Variants in CHRNB3 observed in about 807,000 individuals in gnomAD.
CHRNB3 encodes the protein neuronal acetylcholine receptor subunit beta-3.
CHRNB3 carries 37 observed loss-of-function variants against 40.6 expected under a neutral mutation model. The observed-to-expected ratio is 0.91, with a 90% confidence interval of 0.70 to 1.20. The LOEUF is 1.20. Among genes scored for constraint, CHRNB3 ranks in the 50% most tolerant of loss-of-function variants. The pLI, the probability that CHRNB3 is intolerant of heterozygous loss-of-function variation, is 0.00. For missense variants in CHRNB3, 505 were observed against 551.2 expected (o/e 0.92, Z 0.84); for synonymous variants, 207 against 207.1 (o/e 1.00, Z 0.00).
intron 1 of CHRNB3, among the ~76,000 whole-genome samples, chr8:42,699,005 A>G (rs1031050378): frequency 6.6e-6 from 1 of 152,228 alleles, no homozygotes; most frequent in Non-Finnish European, 1.5e-5. Context: ...TCTTTCACAG[A>G]TCTATAATAA....
At chr8:42,728,332 C>A (rs1244823737) in intron 3 of CHRNB3, among the ~76,000 whole-genome samples, 3 of 151,992 alleles carry the variant, frequency 2.0e-5, no homozygotes, top group African/African-American at 7.3e-5. Context: ...CAAGACCAGT[C>A]TGGGCAACAT....
At chr8:42,724,759 A>G (rs1816276777) in intron 3 of CHRNB3, among the ~76,000 whole-genome samples, 1 of 152,098 alleles carries the variant, frequency 6.6e-6, no homozygotes, top group Non-Finnish European at 1.5e-5. Flanking sequence ...CGGGCGGATC[A>G]CCTGAGGTCA....
At chr8:42,702,132 G>A (rs572827323) in intron 1 of CHRNB3, among the ~76,000 whole-genome samples, 1 of 152,258 alleles carries the variant, frequency 6.6e-6, no homozygotes, top group Admixed American at 6.5e-5. Flanking sequence ...CCCAGCCTGA[G>A]CTCAGTGCAC....
At chr8:42,717,292 T>C (rs1816126944) in intron 3 of CHRNB3, among the ~76,000 whole-genome samples, 1 of 125,272 alleles carries the variant, frequency 8.0e-6, no homozygotes, top group Non-Finnish European at 1.6e-5. Context: ...GAGAATGGCG[T>C]GAACCCGGGA....
intron 4 of CHRNB3, 54 bp from the exon 5 acceptor site, chr8:42,731,613 C>T (rs994642723): frequency 6.6e-7 from 1 of 1,514,990 alleles, no homozygotes; most frequent in South Asian, 1.3e-5. Flanking sequence ...GGAAAAAGAA[C>T]AAAAACTAGC....
Position 42,731,693 on chromosome 8 carries a change from T to C in CHRNB3, c.386T>C (p.Leu129Pro), listed in dbSNP as rs538615632. The C allele has an allele frequency of 5.6e-6, 9 of 1,612,106 alleles. No homozygotes were observed. Among genetic ancestry groups the C allele is most frequent in the African/African-American group, 1.3e-5 (1 of 74,824 alleles). Residue 129 changes from leucine to proline, a missense_variant, in exon 5 of 6, where the codon CTG (leucine) becomes CCG (proline). Physicochemically the swap from Leu to Pro is moderately conservative, Grantham distance 98 (BLOSUM62 -3). Transcript: ENST00000289957. Reference protein sequence around the residue: ...ENADGRFEGSLMTKVIVKSNG... With the variant: ...ENADGRFEGSPMTKVIVKSNG... ...GCTGACGGCCGCTTCGAAGGCTCCC[T>C]GATGACCAAGGTCATCGTGAAATCA...
intron 3 of CHRNB3, among the ~76,000 whole-genome samples, chr8:42,720,572 T>G (rs992440748): frequency 3.3e-5 from 5 of 152,150 alleles, no homozygotes; most frequent in Admixed American, 3.3e-4. Flanking sequence ...GTTTATCATC[T>G]GAGTCAGCCC....
In CHRNB3 at chr8:42,731,722, G is replaced by A. The variant is rs1171439455; in HGVS notation, c.415G>A (p.Gly139Arg). The change falls in exon 5 of 6, where the codon GGA (glycine) becomes AGA (arginine). Residue 139 changes from glycine (G) to arginine (R), a missense_variant. Gly to Arg is a moderately radical substitution (Grantham distance 125). Coordinates refer to ENST00000289957, the MANE Select transcript of CHRNB3 (RefSeq NM_000749.5). ...LMTKVIVKSN[G>R]TVVWTPPASY... ...GACCAAGGTCATCGTGAAATCAAAC[G>A]GAACTGTTGTCTGGACCCCTCCCGC... 6 of 1,613,720 alleles carry A rather than the reference G, an allele frequency of 3.7e-6. No individual in the cohort carries two copies. The highest frequency in any genetic ancestry group is 1.3e-5 in the African/African-American group (1 of 74,826).
At chr8:42,706,951 G>T (rs747783784) in intron 1 of CHRNB3, among the ~76,000 whole-genome samples, 2 of 151,854 alleles carry the variant, frequency 1.3e-5, no homozygotes, top group Non-Finnish European at 2.9e-5. Context: ...GTAATACAGG[G>T]TCTTCCTATG....
chr8:42,723,964 T>C (rs1039980145), intron 3 of CHRNB3, among the ~76,000 whole-genome samples: 2 of 151,828 alleles, frequency 1.3e-5, no homozygotes, highest in African/African-American at 4.8e-5. Context: ...TGGATGCCTG[T>C]AATACCAGCT....
intron 3 of CHRNB3, among the ~76,000 whole-genome samples, chr8:42,717,440 G>C (rs1271213239): frequency 1.5e-5 from 2 of 137,852 alleles, no homozygotes; most frequent in African/African-American, 2.7e-5. Flanking sequence ...GCTAGTACTA[G>C]AGGTCTGGGT....
chr8:42,731,295 C>G (rs1474661731), intron 4 of CHRNB3, among the ~76,000 whole-genome samples: 1 of 152,062 alleles, frequency 6.6e-6, no homozygotes, highest in East Asian at 1.9e-4. Context: ...GTGGCTCATG[C>G]CTGTAATCCC....
Position 42,716,768 on chromosome 8 carries a change from G to C in CHRNB3, c.249+6334G>C, listed in dbSNP as rs1816116400. On this transcript the variant is annotated intron_variant, in intron 3 of 5. Transcript: ENST00000289957. ...TTTAGCTAGTTCTCAATCTGGTCCG[G>C]TACCCGAGTCCCCGCCTCCAGAGTC... is the stretch of plus-strand genomic sequence containing the variant. 2.6e-5 allele frequency among the ~76,000 whole-genome samples: 4 copies of C among 151,974 alleles called. No homozygotes were observed. The South Asian group carries it at 8.3e-4, about 32-fold the overall frequency.
chr8:42,697,708 T>C (rs1815700711), intron 1 of CHRNB3, 110 bp downstream of exon 1: 1 of 829,060 alleles, frequency 1.2e-6, no homozygotes, highest in Admixed American at 1.8e-5. Flanking sequence ...ATGCACAAGA[T>C]ACATTTAGGA....
chr8:42,709,381 C>G (rs796779155), intron 2 of CHRNB3, among the ~76,000 whole-genome samples: 8 of 149,816 alleles, frequency 5.3e-5, no homozygotes, highest in African/African-American at 1.3e-4. Context: ...TTTGAGCTTG[C>G]CTTTCTGTCA....
Position 42,732,325 on chromosome 8 carries a change from C to T in CHRNB3, c.1018C>T (p.Leu340=), listed in dbSNP as rs1292671353. Residue 340 remains leucine (L), a synonymous_variant, in exon 5 of 6, where the codon CTG becomes TTG. Coordinates refer to ENST00000289957, the MANE Select transcript of CHRNB3 (RefSeq NM_000749.5). ...PMAPWVKRLF[L]QKLPKLLCMK... is the part of the protein sequence containing the mutation. Reference sequence around the variant, plus strand: ...GGCCCCCTGGGTTAAGAGGCTCTTTCTGCAGAAACTTCCAAAATTACTTTG... The same window carrying T: ...GGCCCCCTGGGTTAAGAGGCTCTTTTTGCAGAAACTTCCAAAATTACTTTG... 6.2e-7 allele frequency: 1 copy of T among 1,606,396 alleles called. No homozygotes were observed. The highest frequency in any genetic ancestry group is 8.5e-7 in the Non-Finnish European group (1 of 1,178,026).
chr8:42,706,498 G>A lies in CHRNB3; in HGVS notation c.53-2219G>A, dbSNP rs188557846. On this transcript the variant is annotated intron_variant, in intron 1 of 5. Transcript: ENST00000289957. Reference sequence around the variant, plus strand: ...GAGAGAGAGCATCTGTGCCCTCAGCGTGGCCCCGGTGGAGACAGTGGGGAA... The same window carrying A: ...GAGAGAGAGCATCTGTGCCCTCAGCATGGCCCCGGTGGAGACAGTGGGGAA... 3.8e-3 allele frequency among the ~76,000 whole-genome samples: 571 copies of A among 152,246 alleles called. 2 individuals carry two copies. Among genetic ancestry groups the A allele is most frequent in the South Asian group, 9.5e-3 (46 of 4,818 alleles).
chr8:42,702,326 A>C (rs1391620984), intron 1 of CHRNB3, among the ~76,000 whole-genome samples: 2 of 152,100 alleles, frequency 1.3e-5, no homozygotes, highest in Non-Finnish European at 2.9e-5. Context: ...TATTTATCAG[A>C]GCTTCTCTGC....
At position 42,731,603 on chromosome 8, in the gene CHRNB3, G is replaced by A. The variant is rs1563616269; in HGVS notation, c.360-64G>A. On this transcript the variant is annotated intron_variant, in intron 4 of 5. Transcript: ENST00000289957. ...CATAAAACAGAAATAGTCAATGCTGGGAAAAAGAACAAAAACTAGCAGGTG... is the reference window on the plus strand; with the variant it reads ...CATAAAACAGAAATAGTCAATGCTGAGAAAAAGAACAAAAACTAGCAGGTG... The A allele has an allele frequency of 2.7e-6, 4 of 1,474,192 alleles. No individual in the cohort carries two copies. The East Asian group carries it at 9.1e-5, about 34-fold the overall frequency. 91.3% of individuals were successfully genotyped at this position (1,474,192 alleles called of 1,614,324 possible). A position where few individuals can be genotyped will look rare whatever the true frequency, so the allele number is the denominator to read the frequency against.
Sources: allele counts gnomAD v4.1 joint callset (sites outside exome capture counted in the v4.1 genomes callset), GRCh38; gene constraint gnomAD v4.1.1; transcripts MANE v1.5; gene names NCBI Gene and HGNC (gene_info 2026-07-23, HGNC 2026-07-21).